ZNF532: variants seen among roughly 807,000 people sequenced by gnomAD.
ZNF532 encodes zinc finger protein 532.
Under a neutral mutation model 89.3 loss-of-function variants are expected in ZNF532, and 22 were observed. That is an observed-to-expected ratio of 0.25 (90% confidence interval 0.18 to 0.35). The LOEUF (loss-of-function observed/expected upper bound fraction) is 0.35. ZNF532 is among the 10% of genes least tolerant of loss of function. The pLI is 1.00. For missense variants in ZNF532, 1,132 were observed against 1,643.4 expected (o/e 0.69, Z 5.38); for synonymous variants, 606 against 649.6 (o/e 0.93, Z 1.02).
chr18:58,866,763 T>C (rs2056501852), intron 2 of ZNF532, among the ~76,000 whole-genome samples: 1 of 152,246 alleles, frequency 6.6e-6, no homozygotes, highest in Non-Finnish European at 1.5e-5. Flanking sequence ...TTAAAATGTT[T>C]TTCATTTGGC....
intron 2 of ZNF532, among the ~76,000 whole-genome samples, chr18:58,867,716 C>T (rs538069852): frequency 6.6e-6 from 1 of 152,202 alleles, no homozygotes; most frequent in Non-Finnish European, 1.5e-5. Flanking sequence ...GTGGGTTTGG[C>T]TGAGGAGAGC....
Position 58,888,860 on chromosome 18 carries a change from AT to A in ZNF532, c.-18+23282del. ...TATAATTTATATATATATAATTTAT[AT>A]ATATATAATATATATTATATATATA... On this transcript the variant is annotated intron_variant, in intron 2 of 9. Transcript: ENST00000591808. 4.2e-5 allele frequency among the ~76,000 whole-genome samples: 2 copies of A among 47,982 alleles called. 1 individual carries two copies. The highest frequency in any genetic ancestry group is 1.3e-3 in the South Asian group (2 of 1,588). The allele number at this position is 47,982 out of a possible 152,430, so 31.5% of individuals were successfully genotyped here. A position where few individuals can be genotyped will look rare whatever the true frequency, so the allele number is the denominator to read the frequency against.
At position 58,942,349 on chromosome 18, in the gene ZNF532, CCCTTCCTTCCTTCCTTCCTTCCTT is replaced by C. The variant is rs1179053195; in HGVS notation, c.2705+2764_2705+2787del. 2.5e-3 allele frequency among the ~76,000 whole-genome samples: 106 copies of C among 43,186 alleles called. 2 individuals are homozygous for C. Among genetic ancestry groups the C allele is most frequent in the Middle Eastern group, 0.016 (1 of 64 alleles). 28.3% of individuals were successfully genotyped at this position (43,186 alleles called of 152,430 possible). A position where few individuals can be genotyped will look rare whatever the true frequency, so the allele number is the denominator to read the frequency against. On this transcript the variant is annotated intron_variant, in intron 5 of 9. Transcript: ENST00000591808. ...TCCCTCCCTCCCTCCCTCCCTCCCTCCCTTCCTTCCTTCCTTCCTTCCTTCCTTCCTTCCTTCCTTCCTTCCTTC... is the reference window on the plus strand; with the variant it reads ...TCCCTCCCTCCCTCCCTCCCTCCCTCCCTTCCTTCCTTCCTTCCTTCCTTC...
At chr18:58,967,828 G>A (rs577146786) in intron 7 of ZNF532, among the ~76,000 whole-genome samples, 16 of 152,296 alleles carry the variant, frequency 1.1e-4, no homozygotes, top group South Asian at 1.0e-3. Flanking sequence ...CTACCTTGCC[G>A]CATGGCAGTT....
chr18:58,920,679 G>A (rs772490807), intron 3 of ZNF532, 46 bp downstream of exon 3: 2 of 1,507,914 alleles, frequency 1.3e-6, no homozygotes, highest in South Asian at 1.3e-5. Context: ...GAGTCTGTAG[G>A]CATGAGTGCT....
Position 58,947,394 on chromosome 18 carries a change from G to A in ZNF532, c.2706-673G>A, listed in dbSNP as rs546009504. ...CTGAATTCATTTGAGGAGGCTGCTT[G>A]TTAGTAACATATTAGTCATGGAAAT... On this transcript the variant is annotated intron_variant, in intron 5 of 9. Coordinates refer to ENST00000591808, the MANE Select transcript of ZNF532 (RefSeq NM_001375912.1). 2.0e-5 allele frequency among the ~76,000 whole-genome samples: 3 copies of A among 152,298 alleles called. No individual in the cohort carries two copies. The East Asian group carries it at 5.8e-4, about 29-fold the overall frequency.
intron 4 of ZNF532, 46 bp downstream of exon 4, chr18:58,934,660 C>T: frequency 1.3e-6 from 2 of 1,565,098 alleles, no homozygotes; most frequent in Non-Finnish European, 1.7e-6. Flanking sequence ...CGTTCACTTA[C>T]AACCGCACAG....
chr18:58,985,443 G>T lies in ZNF532; in HGVS notation c.*977G>T, dbSNP rs1205919667. ...TTGACTTAACCCTTTGCTGTCAAAA[G>T]AGTTGGCGTTTCCTGTTCTGGGTGC... On this transcript the variant is annotated 3_prime_UTR_variant, in exon 10 of 10. Coordinates refer to ENST00000591808, the MANE Select transcript of ZNF532 (RefSeq NM_001375912.1). 2.0e-5 allele frequency: 3 copies of T among 152,646 alleles called. No individual in the cohort carries two copies. The highest frequency in any genetic ancestry group is 4.4e-5 in the Non-Finnish European group (3 of 68,046). The allele number at this position is 152,646 out of a possible 1,614,324, so 9.5% of individuals were successfully genotyped here.
chr18:58,914,766 A>G (rs1225399442), intron 2 of ZNF532, among the ~76,000 whole-genome samples: 1 of 152,232 alleles, frequency 6.6e-6, no homozygotes, highest in East Asian at 1.9e-4. Context: ...GACATTGTTA[A>G]AATAACTAAA....
chr18:58,952,280 G>T (rs571903074), intron 6 of ZNF532, among the ~76,000 whole-genome samples: 1 of 152,330 alleles, frequency 6.6e-6, no homozygotes, highest in Non-Finnish European at 1.5e-5. Context: ...GTAGATTCAG[G>T]AATTCATGGT....
rs1460137767 is a variant in ZNF532, at chr18:58,959,270, G to GT, written c.3150+5480dup. Among the ~76,000 whole-genome samples the GT allele has an allele frequency of 4.1e-3, 519 of 127,674 alleles. 18 individuals are homozygous for GT. The highest frequency in any genetic ancestry group is 0.014 in the Admixed American group (171 of 12,012). 83.8% of individuals were successfully genotyped at this position (127,674 alleles called of 152,430 possible). A position where few individuals can be genotyped will look rare whatever the true frequency, so the allele number is the denominator to read the frequency against. On this transcript the variant is annotated intron_variant, in intron 7 of 9. Coordinates refer to ENST00000591808, the MANE Select transcript of ZNF532 (RefSeq NM_001375912.1). ...AGTTTTTTGTTTTTTGTTTTTTTTT[G>GT]TTTTTTTTTGGTTTTTTTTTTTGAC...
chr18:58,926,706 A>G (rs1568343498), intron 3 of ZNF532, among the ~76,000 whole-genome samples: 1 of 152,210 alleles, frequency 6.6e-6, no homozygotes, highest in Non-Finnish European at 1.5e-5. Flanking sequence ...TTTTCAAACA[A>G]TCATAAGTGG....
intron 2 of ZNF532, among the ~76,000 whole-genome samples, chr18:58,885,908 T>A (rs534520963): frequency 1.8e-4 from 28 of 152,248 alleles, no homozygotes; most frequent in African/African-American, 6.0e-4. Flanking sequence ...CCCCGTTTCA[T>A]AGCCTTTTAA....
chr18:58,941,468 C>CTTTTTTTTTT (rs71302776), intron 5 of ZNF532, among the ~76,000 whole-genome samples: 4 of 114,910 alleles, frequency 3.5e-5, no homozygotes, highest in African/African-American at 6.5e-5. Flanking sequence ...CTCTCTCTCT[C>CTTTTTTTTTT]TTTTTTTTTT....
intron 3 of ZNF532, among the ~76,000 whole-genome samples, chr18:58,924,641 C>T (rs1356715487): frequency 6.6e-6 from 1 of 152,210 alleles, no homozygotes; most frequent in Non-Finnish European, 1.5e-5. Context: ...CTTGTATACC[C>T]TTCATCCAGT....
chr18:58,981,427 T>C (rs2067755004), intron 8 of ZNF532, 43 bp from the exon 9 acceptor site: 1 of 1,594,432 alleles, frequency 6.3e-7, no homozygotes, highest in African/African-American at 1.4e-5. Flanking sequence ...CAGGAGCTTA[T>C]TTTGTCAGCA....
rs201020386 is a variant in ZNF532 at position 58,976,558 on chromosome 18, C to G, written c.3151-2497C>G. ...ATGACTTTCAGTTGATTTTTTTTTT[C>G]TTTTGAGATGGAGCCTTGCTCTGTC... is the stretch of plus-strand genomic sequence containing the variant. On this transcript the variant is annotated intron_variant, in intron 7 of 9. Coordinates refer to ENST00000591808, the MANE Select transcript of ZNF532 (RefSeq NM_001375912.1). Among the ~76,000 whole-genome samples the G allele has an allele frequency of 2.4e-5, 3 of 125,594 alleles. No homozygotes were observed. The Admixed American group carries it at 2.5e-4, about 10-fold the overall frequency. 82.4% of individuals were successfully genotyped at this position (125,594 alleles called of 152,430 possible). A position where few individuals can be genotyped will look rare whatever the true frequency, so the allele number is the denominator to read the frequency against.
intron 2 of ZNF532, among the ~76,000 whole-genome samples, chr18:58,868,346 G>T (rs940462308): frequency 3.3e-5 from 5 of 152,220 alleles, no homozygotes; most frequent in African/African-American, 1.2e-4. Flanking sequence ...TAAAATTTGT[G>T]TACAGGAAAA....
intron 6 of ZNF532, 21 bp from the exon 7 acceptor site, chr18:58,953,497 T>A (rs764487736): frequency 2.3e-5 from 36 of 1,587,434 alleles, no homozygotes; most frequent in Non-Finnish European, 3.0e-5. Context: ...GATAGATATT[T>A]CTTTTCTTTT....
Sources: gnomAD v4.1 joint callset for allele counts (sites outside exome capture counted in the v4.1 genomes callset) on GRCh38, gnomAD v4.1.1 for gene constraint, MANE v1.5 for transcripts, NCBI Gene and HGNC (gene_info 2026-07-23, HGNC 2026-07-21) for gene names.